The following LUC7L2 variants were observed in gnomAD, a reference collection of about 807,000 sequenced individuals.
The protein encoded by LUC7L2 is LUC7 like 2, pre-mRNA splicing factor.
Under a neutral mutation model 52.8 loss-of-function variants are expected in LUC7L2, and 25 were observed. The observed-to-expected ratio is 0.47, with a 90% confidence interval of 0.34 to 0.66. The LOEUF (loss-of-function observed/expected upper bound fraction) is 0.66. Ranked by LOEUF, LUC7L2 falls within the 30% of genes least tolerant of loss-of-function variation. The pLI is 0.01. For missense variants in LUC7L2, 328 were observed against 497.8 expected (o/e 0.66, Z 3.25); for synonymous variants, 144 against 160.9 (o/e 0.89, Z 0.80).
intron 1 of LUC7L2, among the ~76,000 whole-genome samples, chr7:139,347,678 A>C (rs1412736072): frequency 1.6e-5 from 2 of 128,598 alleles, no homozygotes; most frequent in African/African-American, 8.7e-5. Context: ...CATTTATTCG[A>C]CTGAATGTAT....
intron 2 of LUC7L2, among the ~76,000 whole-genome samples, chr7:139,391,861 A>G (rs1245267758): frequency 6.6e-6 from 1 of 152,190 alleles, no homozygotes; most frequent in Non-Finnish European, 1.5e-5. Context: ...TGCTGGGACT[A>G]CAGGTGTGAG....
rs1168943567 is a variant in LUC7L2 at position 139,377,119 on chromosome 7, C to T, written c.156+963C>T. ...AAGTTTATTTTAAAGTATAATACTA[C>T]AAAGCAAGAAATCCAGTTTCTGAGC... On this transcript the variant is annotated intron_variant, in intron 2 of 9. Coordinates refer to ENST00000354926, the MANE Select transcript of LUC7L2 (RefSeq NM_016019.5). 2.0e-5 allele frequency among the ~76,000 whole-genome samples: 3 copies of T among 152,172 alleles called. No homozygotes were observed. The East Asian group carries it at 5.8e-4, about 29-fold the overall frequency.
At chr7:139,390,912 A>G (rs1249419624) in intron 2 of LUC7L2, among the ~76,000 whole-genome samples, 3 of 152,154 alleles carry the variant, frequency 2.0e-5, no homozygotes, top group Non-Finnish European at 2.9e-5. Context: ...AATATTTCCA[A>G]TTATACATCA....
chr7:139,372,643 C>A (rs1800510979), intron 1 of LUC7L2, among the ~76,000 whole-genome samples: 2 of 151,948 alleles, frequency 1.3e-5, no homozygotes, highest in Non-Finnish European at 2.9e-5. Context: ...CTTATTACTC[C>A]ATTAATATAT....
intron 1 of LUC7L2, among the ~76,000 whole-genome samples, chr7:139,351,937 G>A (rs749142636): frequency 1.7e-4 from 26 of 152,280 alleles, no homozygotes; most frequent in Middle Eastern, 3.4e-3. Flanking sequence ...GCTCCTGTTT[G>A]TAATCCCAGC....
chr7:139,379,098 G>C (rs1243623914), intron 2 of LUC7L2, among the ~76,000 whole-genome samples: 3 of 152,124 alleles, frequency 2.0e-5, no homozygotes, highest in African/African-American at 7.2e-5. Flanking sequence ...CTCTTGATCT[G>C]TTCGCCTCAG....
intron 1 of LUC7L2, chr7:139,363,115 A>C: frequency 1.4e-4 from 65 of 480,210 alleles, no homozygotes; most frequent in Middle Eastern, 1.0e-3. Context: ...GTGGGAGAGA[A>C]ATGCATAAGG....
At chr7:139,371,170 T>G (rs1364432564) in intron 1 of LUC7L2, among the ~76,000 whole-genome samples, 2 of 152,174 alleles carry the variant, frequency 1.3e-5, no homozygotes. Context: ...CTCCATTGCT[T>G]TGTATGCTGT....
intron 1 of LUC7L2, among the ~76,000 whole-genome samples, chr7:139,347,330 G>C (rs1799300172): frequency 6.9e-6 from 1 of 145,446 alleles, no homozygotes. Context: ...GCTCACACCT[G>C]TAATCCCAGG....
chr7:139,352,393 A>G (rs575010339), intron 1 of LUC7L2, among the ~76,000 whole-genome samples: 24 of 152,256 alleles, frequency 1.6e-4, no homozygotes, highest in African/African-American at 4.6e-4. Flanking sequence ...TGCTCAGGAC[A>G]CTGAGGTAGA....
At position 139,386,237 on chromosome 7, in the gene LUC7L2, C is replaced by T. The variant is rs2355785; in HGVS notation, c.156+10081C>T. Among the ~76,000 whole-genome samples, 341 of 151,860 alleles carry T rather than the reference C, an allele frequency of 2.2e-3. 3 individuals are homozygous for T. Among genetic ancestry groups the T allele is most frequent in the Non-Finnish European group, 1.5e-3 (100 of 67,930 alleles). Reference sequence around the variant, plus strand: ...AAGCTGGTCTTAACTCCTGGCCTCACGTAATCCACCTGCCTTGACCTCTCA... The same window carrying T: ...AAGCTGGTCTTAACTCCTGGCCTCATGTAATCCACCTGCCTTGACCTCTCA... On this transcript the variant is annotated intron_variant, in intron 2 of 9. Transcript: ENST00000354926.
intron 9 of LUC7L2, among the ~76,000 whole-genome samples, chr7:139,417,988 C>G (rs2116334672): frequency 6.6e-6 from 1 of 152,202 alleles, no homozygotes; most frequent in South Asian, 2.1e-4. Context: ...CTTAGTGTGT[C>G]TTGGAAAAAA....
chr7:139,405,787 G>T lies in LUC7L2; in HGVS notation c.510G>T (p.Glu170Asp). Residue 170 changes from glutamate to aspartate, a missense_variant and splice_region_variant, in exon 5 of 10, where the codon GAG becomes GAT. Transcript: ENST00000354926. ...EKARAKKREA[E>D]EVYRNSMPAS... is the part of the protein sequence containing the mutation. ...CACGGGCAAAGAAAAGAGAAGCAGA[G>T]GTAAATTCTTAATAGTAGTAGACGA... 6.3e-7 allele frequency: 1 copy of T among 1,595,456 alleles called. No homozygotes were observed. The highest frequency in any genetic ancestry group is 8.5e-7 in the Non-Finnish European group (1 of 1,174,934).
intron 2 of LUC7L2, among the ~76,000 whole-genome samples, chr7:139,379,340 G>T (rs1800868553): frequency 6.7e-6 from 1 of 149,250 alleles, no homozygotes; most frequent in African/African-American, 2.5e-5. Context: ...TGTCACAAAG[G>T]AAAAAAGTAT....
chr7:139,351,627 C>A (rs886277200), intron 1 of LUC7L2, among the ~76,000 whole-genome samples: 4 of 152,230 alleles, frequency 2.6e-5, no homozygotes, highest in African/African-American at 9.6e-5. Flanking sequence ...GGGCCTGGCC[C>A]TTGCCAGACC....
chr7:139,366,581 C>G (rs757057627), intron 1 of LUC7L2, among the ~76,000 whole-genome samples: 2 of 152,208 alleles, frequency 1.3e-5, no homozygotes, highest in Admixed American at 6.5e-5. Context: ...TATTGGAACA[C>G]ATCCATGCCG....
At chr7:139,382,012 G>A (rs1279218590) in intron 2 of LUC7L2, among the ~76,000 whole-genome samples, 1 of 150,998 alleles carries the variant, frequency 6.6e-6, no homozygotes, top group Non-Finnish European at 1.5e-5. Flanking sequence ...AGCCTCCCGA[G>A]CAGCTGGGAC....
intron 1 of LUC7L2, 50 bp from the exon 2 acceptor site, chr7:139,376,012 T>C (rs1225171001): frequency 6.3e-7 from 1 of 1,596,978 alleles, no homozygotes; most frequent in Non-Finnish European, 8.6e-7. Context: ...TCTCAGAAAA[T>C]ACTTTCCAGT....
chr7:139,373,813 T>A (rs1412364992), intron 1 of LUC7L2, among the ~76,000 whole-genome samples: 1 of 152,250 alleles, frequency 6.6e-6, no homozygotes, highest in African/African-American at 2.4e-5. Context: ...CCTGAGCCAT[T>A]AGTTTAACAA....
Sources: allele counts gnomAD v4.1 joint callset (sites outside exome capture counted in the v4.1 genomes callset), GRCh38; gene constraint gnomAD v4.1.1; transcripts MANE v1.5; gene names NCBI Gene and HGNC (gene_info 2026-07-23, HGNC 2026-07-21).